The following CALN1 variants were observed in gnomAD, a reference collection of about 807,000 sequenced individuals.
The protein encoded by CALN1 is calneuron 1.
A neutral mutation model predicts 30.6 loss-of-function variants in CALN1; 17 were observed. That is an observed-to-expected ratio of 0.56 (90% CI 0.38 to 0.83). CALN1 has a LOEUF of 0.83. Ranked by LOEUF, CALN1 falls within the 40% of genes least tolerant of loss-of-function variation. CALN1 has a pLI of 0.00. For missense variants in CALN1, 291 were observed against 354.9 expected (o/e 0.82, Z 1.45); for synonymous variants, 156 against 131.4 (o/e 1.19, Z -1.28).
intron 3 of CALN1, among the ~76,000 whole-genome samples, chr7:72,174,716 A>G (rs939916885): frequency 1.3e-5 from 2 of 152,242 alleles, no homozygotes; most frequent in South Asian, 4.1e-4. Context: ...CTGTAGTGAT[A>G]GAATGCAGAT....
intron 4 of CALN1, among the ~76,000 whole-genome samples, chr7:72,084,268 A>C (rs1029221962): frequency 6.6e-6 from 1 of 152,210 alleles, no homozygotes; most frequent in South Asian, 2.1e-4. Context: ...AACTTTGTAC[A>C]GGGGAAACCA....
At chr7:72,302,483 A>G (rs1005446119) in intron 2 of CALN1, among the ~76,000 whole-genome samples, 1 of 152,162 alleles carries the variant, frequency 6.6e-6, no homozygotes, top group Admixed American at 6.6e-5. Context: ...ATCAAGACAG[A>G]GGCTTAGAAA....
At chr7:72,209,238 C>G (rs1792160898) in intron 3 of CALN1, among the ~76,000 whole-genome samples, 1 of 78,188 alleles carries the variant, frequency 1.3e-5, no homozygotes, top group East Asian at 1.2e-3. Flanking sequence ...CTTTCCTTCC[C>G]TCTTTCCTTC....
chr7:71,956,338 GT>G (rs1796959246), intron 5 of CALN1, among the ~76,000 whole-genome samples: 1 of 152,012 alleles, frequency 6.6e-6, no homozygotes, highest in Admixed American at 6.6e-5. Flanking sequence ...TTTGTGATGA[GT>G]AGGATGATTG....
At chr7:72,413,578 ACACT>A (rs139045753), upstream of CALN1, among the ~76,000 whole-genome samples, 11,851 of 152,062 alleles carry the variant, frequency 0.078, 486 homozygotes, top group African/African-American at 0.11. Context: ...CACCACACAC[ACACT>A]CATACATATA....
At chr7:71,792,748 C>T (rs1035218652) in intron 6 of CALN1, among the ~76,000 whole-genome samples, 7 of 152,020 alleles carry the variant, frequency 4.6e-5, no homozygotes, top group African/African-American at 7.2e-5. Flanking sequence ...GAAATGTTTC[C>T]GAAGGCAGCC....
At chr7:72,026,626 G>T (rs1320833966) in intron 4 of CALN1, among the ~76,000 whole-genome samples, 1 of 151,952 alleles carries the variant, frequency 6.6e-6, no homozygotes, top group Non-Finnish European at 1.5e-5. Context: ...ATGTTGCCCA[G>T]GCTGGTCTTG....
intron 5 of CALN1, among the ~76,000 whole-genome samples, chr7:71,915,665 C>A (rs550250601): frequency 1.3e-5 from 2 of 152,032 alleles, no homozygotes; most frequent in Non-Finnish European, 1.5e-5. Flanking sequence ...ACAGGGGAGG[C>A]GGAGGTTGCA....
At chr7:72,332,156 C>T (rs975482991) in intron 2 of CALN1, among the ~76,000 whole-genome samples, 1 of 152,120 alleles carries the variant, frequency 6.6e-6, no homozygotes, top group Non-Finnish European at 1.5e-5. Context: ...GAGACAGCAA[C>T]TTTCATTGAA....
intron 3 of CALN1, among the ~76,000 whole-genome samples, chr7:72,276,566 A>G (rs1169277035): frequency 5.3e-5 from 8 of 151,690 alleles, no homozygotes; most frequent in African/African-American, 1.9e-4. Context: ...AAGAGGTGGG[A>G]TGGTTAAGAC....
At chr7:72,127,993 G>A (rs1425629029) in intron 3 of CALN1, among the ~76,000 whole-genome samples, 8 of 152,078 alleles carry the variant, frequency 5.3e-5, no homozygotes, top group African/African-American at 1.9e-4. Context: ...GTGGGGGCAG[G>A]AGTGATCAAT....
intron 5 of CALN1, among the ~76,000 whole-genome samples, chr7:71,998,416 A>T (rs1023684788): frequency 2.0e-5 from 3 of 152,012 alleles, no homozygotes; most frequent in African/African-American, 7.3e-5. Context: ...ATTATTAACA[A>T]CCTCTTGTAC....
At chr7:72,341,250 C>T (rs58372475) in intron 2 of CALN1, among the ~76,000 whole-genome samples, 4,224 of 152,252 alleles carry the variant, frequency 0.028, 176 homozygotes, top group African/African-American at 0.095. Context: ...GGGCCAAGCA[C>T]GGTGGCTGAA....
intron 5 of CALN1, among the ~76,000 whole-genome samples, chr7:71,940,626 G>A (rs1371585638): frequency 3.9e-5 from 6 of 151,906 alleles, no homozygotes; most frequent in Non-Finnish European, 7.4e-5. Context: ...TTTCAGAGGG[G>A]GCCTCAATCT....
chr7:72,355,983 A>T (rs1342039545), intron 2 of CALN1, among the ~76,000 whole-genome samples: 1 of 152,250 alleles, frequency 6.6e-6, no homozygotes, highest in East Asian at 1.9e-4. Context: ...CCTTAAAAAA[A>T]ATTATGGTTG....
chr7:72,101,491 T>G (rs763845590), intron 4 of CALN1, among the ~76,000 whole-genome samples: 1 of 152,272 alleles, frequency 6.6e-6, no homozygotes, highest in African/African-American at 2.4e-5. Context: ...TACAAAGACA[T>G]GGTGAGTCAC....
chr7:71,881,828 T>C (rs1792585750), intron 5 of CALN1, among the ~76,000 whole-genome samples: 2 of 151,970 alleles, frequency 1.3e-5, no homozygotes, highest in South Asian at 4.2e-4. Flanking sequence ...ATCCCAGCAC[T>C]TTGGGAGACG....
chr7:72,391,671 G>A (rs1446653484), intron 2 of CALN1, among the ~76,000 whole-genome samples: 1 of 152,188 alleles, frequency 6.6e-6, no homozygotes, highest in Non-Finnish European at 1.5e-5. Flanking sequence ...CAAAAGATCT[G>A]ATGGTTTAAT....
intron 4 of CALN1, among the ~76,000 whole-genome samples, chr7:72,025,773 C>A (rs562549350): frequency 6.6e-6 from 1 of 152,308 alleles, no homozygotes; most frequent in East Asian, 1.9e-4. Flanking sequence ...AATGCCCACA[C>A]ATAAATCAAT....
Sources: allele counts gnomAD v4.1 joint callset (sites outside exome capture counted in the v4.1 genomes callset), GRCh38; gene constraint gnomAD v4.1.1; transcripts MANE v1.5; gene names NCBI Gene and HGNC (gene_info 2026-07-23, HGNC 2026-07-21).